BABAM2: variants seen among roughly 807,000 people sequenced by gnomAD.
BABAM2 encodes the protein BRISC and BRCA1 A complex member 2.
A neutral mutation model predicts 54.7 loss-of-function variants in BABAM2; 31 were observed. That is an observed-to-expected ratio of 0.57 (90% CI 0.43 to 0.77). The LOEUF (loss-of-function observed/expected upper bound fraction) is 0.77, where lower values mean the gene tolerates loss of function less well. Among genes scored for constraint, BABAM2 ranks in the 30% least tolerant of loss-of-function variants. The probability of loss-of-function intolerance (pLI) is 0.00; values close to 1 mark genes in which losing one functional copy is unlikely to be tolerated. For missense variants in BABAM2, 364 were observed against 455.8 expected (o/e 0.80, Z 1.83); for synonymous variants, 167 against 162.9 (o/e 1.03, Z -0.19).
intron 6 of BABAM2, among the ~76,000 whole-genome samples, chr2:28,112,146 T>TTTCTTTCTTTCTTTCTTTCTTTC (rs1344247281): frequency 0.023 from 246 of 10,556 alleles, 80 homozygotes; most frequent in Non-Finnish European, 0.029. Flanking sequence ...TCTTTCTTTC[T>TTTCTTTCTTTCTTTCTTTCTTTC]TTACCTCCCT....
chr2:28,236,713 A>T (rs1020360499), intron 7 of BABAM2, among the ~76,000 whole-genome samples: 3 of 152,260 alleles, frequency 2.0e-5, no homozygotes, highest in Admixed American at 6.5e-5. Flanking sequence ...CAGAATCAAC[A>T]TTGTGTCTTA....
At chr2:28,276,536 C>T (rs974858738) in intron 10 of BABAM2, among the ~76,000 whole-genome samples, 2 of 152,176 alleles carry the variant, frequency 1.3e-5, no homozygotes, top group African/African-American at 4.8e-5. Context: ...GTGATCCACG[C>T]TGGGTAACGT....
chr2:28,144,547 G>A (rs1671336022), intron 7 of BABAM2, among the ~76,000 whole-genome samples: 2 of 152,106 alleles, frequency 1.3e-5, no homozygotes, highest in South Asian at 4.1e-4. Context: ...GAACATGCAT[G>A]GACTTGCTTG....
At chr2:27,994,768 A>G (rs926174254) in intron 4 of BABAM2, among the ~76,000 whole-genome samples, 3 of 152,150 alleles carry the variant, frequency 2.0e-5, no homozygotes, top group Non-Finnish European at 4.4e-5. Context: ...ACATTCTTGT[A>G]CATGTCTTGG....
chr2:28,078,069 A>G (rs1664844532), intron 6 of BABAM2, among the ~76,000 whole-genome samples: 1 of 151,968 alleles, frequency 6.6e-6, no homozygotes, highest in Non-Finnish European at 1.5e-5. Context: ...TAAAGTTTGT[A>G]CTCTTCTGAG....
intron 4 of BABAM2, among the ~76,000 whole-genome samples, chr2:28,005,029 A>C (rs955112115): frequency 6.6e-6 from 1 of 152,270 alleles, no homozygotes; most frequent in African/African-American, 2.4e-5. Context: ...TTTACTTTCA[A>C]CTACTATCTA....
chr2:28,139,135 C>A (rs7581221), intron 7 of BABAM2, among the ~76,000 whole-genome samples: 72,286 of 151,400 alleles, frequency 0.48, 18,178 homozygotes, highest in Middle Eastern at 0.61. Context: ...TATGTTTAAA[C>A]ATTTTTTTTC....
chr2:28,178,270 A>G (rs1487458084), intron 7 of BABAM2, among the ~76,000 whole-genome samples: 2 of 152,184 alleles, frequency 1.3e-5, no homozygotes, highest in African/African-American at 4.8e-5. Flanking sequence ...AGTCTCAACA[A>G]ATTTCTAAAA....
At chr2:27,956,718 A>C (rs948955388) in intron 3 of BABAM2, among the ~76,000 whole-genome samples, 2 of 152,204 alleles carry the variant, frequency 1.3e-5, no homozygotes, top group African/African-American at 4.8e-5. Flanking sequence ...AAAGATAATT[A>C]TGAAGGTTAT....
At chr2:27,914,997 C>G (rs1666861833) in intron 2 of BABAM2, among the ~76,000 whole-genome samples, 1 of 152,088 alleles carries the variant, frequency 6.6e-6, no homozygotes. Context: ...CATGCCCCAT[C>G]TTGATATTCT....
chr2:28,241,233 C>A (rs1312969063), intron 8 of BABAM2, 90 bp from the exon 9 acceptor site: 2 of 1,292,334 alleles, frequency 1.5e-6, no homozygotes, highest in Non-Finnish European at 2.2e-6. Flanking sequence ...CTTTACTATT[C>A]TTTCTGCTTC....
At chr2:28,187,661 A>ATT (rs1169913092) in intron 7 of BABAM2, among the ~76,000 whole-genome samples, 3 of 106,130 alleles carry the variant, frequency 2.8e-5, no homozygotes, top group African/African-American at 7.0e-5. Context: ...AGAACTTTGG[A>ATT]ATTTTTTTTT....
In BABAM2 at chr2:28,224,379, T is replaced by C. The variant is rs143017555; in HGVS notation, c.681-12823T>C. On this transcript the variant is annotated intron_variant, in intron 7 of 11. Transcript: ENST00000379624. ...CAAGAAACAAAACAACCACTTTAAT[T>C]TCACGCAAGCCCTTTTGTGATAACT... Among the ~76,000 whole-genome samples, 1,020 of 152,326 alleles carry C rather than the reference T, an allele frequency of 6.7e-3. 13 individuals are homozygous for C. The highest frequency in any genetic ancestry group is 0.048 in the South Asian group (231 of 4,816).
At chr2:28,055,215 G>A (rs1196181048) in intron 6 of BABAM2, among the ~76,000 whole-genome samples, 1 of 152,150 alleles carries the variant, frequency 6.6e-6, no homozygotes, top group Non-Finnish European at 1.5e-5. Flanking sequence ...TGAACTTTGA[G>A]TATATGTGGA....
At position 27,894,692 on chromosome 2, in the gene BABAM2, C is replaced by T; in HGVS notation, c.128+8C>T. 3 of 1,613,886 alleles carry T rather than the reference C, an allele frequency of 1.9e-6. No homozygotes were observed. Among genetic ancestry groups the T allele is most frequent in the Non-Finnish European group, 2.5e-6 (3 of 1,179,880 alleles). ...AACTGACTTAAAATCTGGGTATGTA[C>T]CAGAATGAATTCAGTCAATGTACCA... On this transcript the variant is annotated splice_region_variant and intron_variant, in intron 2 of 11. Transcript: ENST00000379624.
intron 4 of BABAM2, among the ~76,000 whole-genome samples, chr2:28,014,241 A>AG (rs1573392285): frequency 6.6e-6 from 1 of 152,184 alleles, no homozygotes; most frequent in East Asian, 1.9e-4. Flanking sequence ...TTCCAAAAAA[A>AG]GATTCTTTTC....
At chr2:28,134,293 GTTGCT>G (rs1223323241) in intron 7 of BABAM2, 1 of 151,064 alleles carries the variant, frequency 6.6e-6, no homozygotes, top group Admixed American at 6.6e-5. Context: ...TTCTAAACCA[GTTGCT>G]TTTTTTTCCC....
Position 28,338,666 on chromosome 2 carries a change from G to C in BABAM2, c.*153G>C. ...CACGCCCCAGGCAGCCCCGACTGCTGAAATCCAACTTGAGCTGGCTGGTGG... is the reference window on the plus strand; with the variant it reads ...CACGCCCCAGGCAGCCCCGACTGCTCAAATCCAACTTGAGCTGGCTGGTGG... On this transcript the variant is annotated 3_prime_UTR_variant, in exon 12 of 12. Coordinates refer to ENST00000379624, the MANE Select transcript of BABAM2 (RefSeq NM_199191.3). 1.2e-6 allele frequency: 1 copy of C among 815,108 alleles called. No individual in the cohort carries two copies. The highest frequency in any genetic ancestry group is 1.6e-5 in the South Asian group (1 of 62,706). 50.5% of individuals were successfully genotyped at this position (815,108 alleles called of 1,614,324 possible).
At chr2:28,150,166 G>A (rs749599467) in intron 7 of BABAM2, among the ~76,000 whole-genome samples, 7 of 152,078 alleles carry the variant, frequency 4.6e-5, no homozygotes, top group Non-Finnish European at 8.8e-5. Context: ...TGGAGTAGGC[G>A]ATGTTTTACA....
Sources: gnomAD v4.1 joint callset for allele counts (sites outside exome capture counted in the v4.1 genomes callset) on GRCh38, gnomAD v4.1.1 for gene constraint, MANE v1.5 for transcripts, NCBI Gene and HGNC (gene_info 2026-07-23, HGNC 2026-07-21) for gene names.